SGCZ: variants seen among roughly 807,000 people sequenced by gnomAD.
SGCZ encodes sarcoglycan zeta, also known as zeta-sarcoglycan.
A neutral mutation model predicts 41.3 loss-of-function variants in SGCZ; 40 were observed. The observed-to-expected ratio is 0.97, with a 90% CI of 0.75 to 1.26. The LOEUF is 1.26. Among genes scored for constraint, SGCZ ranks in the 50% most tolerant of loss-of-function variants. The probability of loss-of-function intolerance (pLI) is 0.00; values close to 1 mark genes in which losing one functional copy is unlikely to be tolerated. For missense variants in SGCZ, 552 were observed against 369.8 expected (o/e 1.49, Z -4.04); for synonymous variants, 206 against 137.5 (o/e 1.50, Z -3.49).
chr8:14,734,655 CA>C (rs1798972503), intron 1 of SGCZ, among the ~76,000 whole-genome samples: 2 of 152,166 alleles, frequency 1.3e-5, no homozygotes, highest in South Asian at 4.2e-4. Context: ...GAGACAATTC[CA>C]ATGTGCTGTG....
intron 2 of SGCZ, among the ~76,000 whole-genome samples, chr8:14,473,953 G>T (rs1013782298): frequency 7.5e-6 from 1 of 134,008 alleles, no homozygotes; most frequent in African/African-American, 2.7e-5. Flanking sequence ...AAAAAAAAAA[G>T]TTTTTATGAA....
chr8:15,044,123 C>A (rs889959309), intron 1 of SGCZ, among the ~76,000 whole-genome samples: 1 of 151,976 alleles, frequency 6.6e-6, no homozygotes, highest in Non-Finnish European at 1.5e-5. Flanking sequence ...GCTTTGATTC[C>A]AAATGAATTT....
chr8:14,993,165 C>T (rs1802082699), intron 1 of SGCZ, among the ~76,000 whole-genome samples: 1 of 152,196 alleles, frequency 6.6e-6, no homozygotes, highest in Non-Finnish European at 1.5e-5. Context: ...CTCCTGTCTT[C>T]CTTGAGGTTA....
rs186051497 is a variant in SGCZ at position 15,231,845 on chromosome 8, C to T, written c.39+5740G>A. ...CCGTGTTGGCCAGGCTGGTCTTGAA[C>T]TCCTGGCCTCAAGTGATCCACCTGC... On this transcript the variant is annotated intron_variant, in intron 1 of 7. Coordinates refer to ENST00000382080, the MANE Select transcript of SGCZ (RefSeq NM_139167.4). Among the ~76,000 whole-genome samples, 451 of 152,204 alleles carry T rather than the reference C, an allele frequency of 3.0e-3. 2 individuals are homozygous for T. Among genetic ancestry groups the T allele is most frequent in the Non-Finnish European group, 3.5e-3 (236 of 68,016 alleles).
intron 3 of SGCZ, among the ~76,000 whole-genome samples, chr8:14,291,495 A>G (rs1010475579): frequency 7.2e-5 from 11 of 152,114 alleles, no homozygotes; most frequent in African/African-American, 2.6e-4. Context: ...TTATGCTGGT[A>G]CCATACTCTT....
At chr8:15,021,794 T>C (rs915832006) in intron 1 of SGCZ, among the ~76,000 whole-genome samples, 2 of 152,212 alleles carry the variant, frequency 1.3e-5, no homozygotes, top group East Asian at 1.9e-4. Context: ...ATTGTTATTG[T>C]TGTTACTGGA....
At chr8:14,173,868 G>A (rs936528409) in intron 4 of SGCZ, among the ~76,000 whole-genome samples, 4 of 151,988 alleles carry the variant, frequency 2.6e-5, no homozygotes, top group Admixed American at 2.0e-4. Context: ...AAAATTTAAA[G>A]TTTACAAATC....
At position 14,811,518 on chromosome 8, in the gene SGCZ, C is replaced by CTTTTTTTTT. The variant is rs71209087; in HGVS notation, c.40-256601_40-256593dup. On this transcript the variant is annotated intron_variant, in intron 1 of 7. Coordinates refer to ENST00000382080, the MANE Select transcript of SGCZ (RefSeq NM_139167.4). ...AAACATTCGCTGAAAGACACTGCAT[C>CTTTTTTTTT]TTTTTTTTTTTTTTTTTTTTTTTTT... 3.2e-4 allele frequency among the ~76,000 whole-genome samples: 16 copies of CTTTTTTTTT among 49,746 alleles called. 3 individuals are homozygous for CTTTTTTTTT. The highest frequency in any genetic ancestry group is 1.3e-3 in the East Asian group (2 of 1,560). 32.6% of individuals were successfully genotyped at this position (49,746 alleles called of 152,430 possible).
At chr8:14,558,491 C>T (rs540305242) in intron 1 of SGCZ, among the ~76,000 whole-genome samples, 2 of 151,162 alleles carry the variant, frequency 1.3e-5, no homozygotes, top group East Asian at 2.0e-4. Flanking sequence ...AGAAGAATTG[C>T]TTGAACCCGG....
At chr8:14,298,076 CATA>C (rs974526641) in intron 3 of SGCZ, among the ~76,000 whole-genome samples, 2 of 151,716 alleles carry the variant, frequency 1.3e-5, no homozygotes, top group Non-Finnish European at 2.9e-5. Context: ...TAATATAATT[CATA>C]ATATTACAGA....
intron 3 of SGCZ, among the ~76,000 whole-genome samples, chr8:14,246,597 A>C (rs1375410483): frequency 1.6e-5 from 2 of 126,604 alleles, no homozygotes; most frequent in African/African-American, 6.4e-5. Context: ...AAAGTATAAT[A>C]AGAAAAAAAA....
At chr8:14,679,627 A>C (rs1378523893) in intron 1 of SGCZ, among the ~76,000 whole-genome samples, 2 of 152,024 alleles carry the variant, frequency 1.3e-5, no homozygotes, top group Admixed American at 6.5e-5. Context: ...AAGAAATATA[A>C]AGATTTATAA....
At chr8:14,825,406 T>C (rs1288942119) in intron 1 of SGCZ, among the ~76,000 whole-genome samples, 2 of 152,124 alleles carry the variant, frequency 1.3e-5, no homozygotes, top group African/African-American at 2.4e-5. Flanking sequence ...ACTGAAGAAC[T>C]CAAAAAATAT....
intron 5 of SGCZ, among the ~76,000 whole-genome samples, chr8:14,115,337 T>A (rs975417802): frequency 6.6e-6 from 1 of 152,018 alleles, no homozygotes; most frequent in East Asian, 1.9e-4. Context: ...TGATTCAATT[T>A]ACAGCTTCAT....
At chr8:14,494,562 G>A (rs973559261) in intron 2 of SGCZ, among the ~76,000 whole-genome samples, 2 of 151,904 alleles carry the variant, frequency 1.3e-5, no homozygotes, top group African/African-American at 4.8e-5. Flanking sequence ...GCTCCTTACA[G>A]CAGTTTTTCA....
intron 1 of SGCZ, among the ~76,000 whole-genome samples, chr8:14,938,641 G>C (rs1265290313): frequency 1.3e-5 from 2 of 151,994 alleles, no homozygotes; most frequent in African/African-American, 4.8e-5. Flanking sequence ...GAAGTTAAAA[G>C]TTCTATGTCC....
At chr8:15,076,754 ATTT>A (rs35515934) in intron 1 of SGCZ, among the ~76,000 whole-genome samples, 4 of 133,598 alleles carry the variant, frequency 3.0e-5, no homozygotes, top group African/African-American at 2.7e-5. Context: ...AGTCTCTCTC[ATTT>A]TTTTTTTTTT....
chr8:14,113,765 A>G (rs1339594239), intron 5 of SGCZ, among the ~76,000 whole-genome samples: 4 of 152,144 alleles, frequency 2.6e-5, no homozygotes. Context: ...ACTCTCACTT[A>G]AAATATTTTA....
chr8:14,239,900 TCAAAAAAAAAAAA>T (rs1563205203), intron 3 of SGCZ, among the ~76,000 whole-genome samples: 2 of 9,374 alleles, frequency 2.1e-4, no homozygotes, highest in South Asian at 5.6e-3. Flanking sequence ...AGACTCCGTC[TCAAAAAAAAAAAA>T]AAAAAAAAAA....
Sources: gnomAD v4.1 joint callset for allele counts (sites outside exome capture counted in the v4.1 genomes callset) on GRCh38, gnomAD v4.1.1 for gene constraint, MANE v1.5 for transcripts, NCBI Gene and HGNC (gene_info 2026-07-23, HGNC 2026-07-21) for gene names.